Variants in ARHGAP15 observed in about 807,000 individuals in gnomAD.
ARHGAP15 encodes the protein Rho GTPase activating protein 15.
In ARHGAP15, 51 loss-of-function variants were observed where a neutral mutation model predicts 63.7. The ratio of observed to expected loss-of-function variants is 0.80; its 90% CI spans 0.64 to 1.01. ARHGAP15 has a LOEUF of 1.01. Ranked by LOEUF, ARHGAP15 falls within the 50% of genes least tolerant of loss-of-function variation. The probability of loss-of-function intolerance (pLI) is 0.00; values close to 1 mark genes in which losing one functional copy is unlikely to be tolerated. For missense variants in ARHGAP15, 560 were observed against 564.6 expected, an observed-to-expected ratio of 0.99 and a Z score of 0.08; for synonymous variants, 191 against 193.8, an observed-to-expected ratio of 0.99 and a Z score of 0.12.
intron 12 of ARHGAP15, among the ~76,000 whole-genome samples, chr2:143,645,315 T>G (rs1013193712): frequency 1.3e-5 from 2 of 152,102 alleles, no homozygotes; most frequent in African/African-American, 4.8e-5. Context: ...TAAGTGTACT[T>G]AGATTTGTAC....
chr2:143,607,396 T>A (rs1041772210), intron 11 of ARHGAP15: 2 of 152,350 alleles, frequency 1.3e-5, no homozygotes, highest in East Asian at 1.9e-4. Flanking sequence ...AGATGTCTTA[T>A]GAGTTTGCAA....
intron 12 of ARHGAP15, chr2:143,683,083 G>A (rs1190679960): frequency 2.0e-5 from 3 of 152,112 alleles, no homozygotes; most frequent in South Asian, 2.1e-4. Flanking sequence ...TTAAGCCTTC[G>A]TCGAGTCTTA....
rs563069819 is a variant in ARHGAP15, at chr2:143,377,837, C to T, written c.475-57764C>T. ...GTCTTCTCAATGTATTGCTCAAAAG[C>T]GAATTCTTTGAATGATGTTTATAAA... On this transcript the variant is annotated intron_variant, in intron 6 of 13. Coordinates refer to ENST00000295095, the MANE Select transcript of ARHGAP15 (RefSeq NM_018460.4). Among the ~76,000 whole-genome samples the T allele has an allele frequency of 6.6e-5, 10 of 152,118 alleles. No homozygotes were observed. The South Asian group carries it at 1.0e-3, about 16-fold the overall frequency.
intron 6 of ARHGAP15, among the ~76,000 whole-genome samples, chr2:143,323,079 T>C (rs1013637316): frequency 2.0e-5 from 3 of 152,240 alleles, no homozygotes; most frequent in African/African-American, 7.2e-5. Context: ...GGTTGATGTA[T>C]GTTTTTCAGT....
At chr2:143,166,061 G>GAAAA (rs1553442904) in intron 2 of ARHGAP15, among the ~76,000 whole-genome samples, 6 of 140,566 alleles carry the variant, frequency 4.3e-5, no homozygotes, top group African/African-American at 1.5e-4. Context: ...AAGAAAGAAA[G>GAAAA]AAAAAAAATA....
chr2:143,693,674 ATCTT>A (rs1683713841), intron 12 of ARHGAP15, among the ~76,000 whole-genome samples: 1 of 152,184 alleles, frequency 6.6e-6, no homozygotes, highest in Non-Finnish European at 1.5e-5. Context: ...ACCTTTTAAT[ATCTT>A]TATTTCTTCC....
intron 6 of ARHGAP15, among the ~76,000 whole-genome samples, chr2:143,353,436 C>G (rs950917131): frequency 6.6e-6 from 1 of 152,010 alleles, no homozygotes; most frequent in African/African-American, 2.4e-5. Context: ...TTATGTCTTG[C>G]TGGTTAATAT....
chr2:143,303,499 A>G (rs1683014639), intron 6 of ARHGAP15, among the ~76,000 whole-genome samples: 1 of 152,102 alleles, frequency 6.6e-6, no homozygotes, highest in Admixed American at 6.6e-5. Context: ...TGTTAGACCT[A>G]AAACCATAAA....
At chr2:143,181,946 A>ATTTTT (rs371579129) in intron 2 of ARHGAP15, among the ~76,000 whole-genome samples, 1 of 145,272 alleles carries the variant, frequency 6.9e-6, no homozygotes, top group African/African-American at 2.5e-5. Flanking sequence ...CTAGCTTTTG[A>ATTTTT]TTTTTTTTTT....
chr2:143,765,714 GT>G (rs2105560334), intron 13 of ARHGAP15, among the ~76,000 whole-genome samples: 1 of 152,220 alleles, frequency 6.6e-6, no homozygotes, highest in South Asian at 2.1e-4. Flanking sequence ...AGGTGGCAGA[GT>G]GAAAAGCCGG....
intron 6 of ARHGAP15, among the ~76,000 whole-genome samples, chr2:143,372,984 T>TAAAA (rs34460482): frequency 2.2e-5 from 3 of 136,700 alleles, no homozygotes; most frequent in African/African-American, 8.1e-5. Context: ...TCTCTCCTCT[T>TAAAA]AAAAAAAAAA....
intron 6 of ARHGAP15, among the ~76,000 whole-genome samples, chr2:143,250,954 A>C (rs1398633946): frequency 6.6e-6 from 1 of 152,084 alleles, no homozygotes; most frequent in Non-Finnish European, 1.5e-5. Context: ...AGACTCACCA[A>C]GTATAAGCTA....
chr2:143,131,775 C>T (rs955348482), intron 1 of ARHGAP15, among the ~76,000 whole-genome samples: 1 of 152,146 alleles, frequency 6.6e-6, no homozygotes, highest in African/African-American at 2.4e-5. Flanking sequence ...CAGACAGGGC[C>T]CAAAGGATTA....
intron 6 of ARHGAP15, among the ~76,000 whole-genome samples, chr2:143,285,646 A>G (rs1057282913): frequency 2.0e-5 from 3 of 152,174 alleles, no homozygotes; most frequent in African/African-American, 4.8e-5. Context: ...AAGAGGATAC[A>G]TATTTCTTTA....
intron 6 of ARHGAP15, among the ~76,000 whole-genome samples, chr2:143,299,174 T>A (rs953645222): frequency 9.8e-4 from 149 of 152,072 alleles, no homozygotes; most frequent in African/African-American, 3.5e-3. Flanking sequence ...GATTAAACTT[T>A]TTTTATTCAA....
intron 11 of ARHGAP15, among the ~76,000 whole-genome samples, chr2:143,563,682 A>C (rs1447895205): frequency 6.6e-6 from 1 of 152,234 alleles, no homozygotes; most frequent in Non-Finnish European, 1.5e-5. Flanking sequence ...AACCCCTAAG[A>C]TATTTACAAA....
intron 11 of ARHGAP15, among the ~76,000 whole-genome samples, chr2:143,611,371 G>A (rs1698248918): frequency 1.3e-5 from 2 of 152,178 alleles, no homozygotes; most frequent in Non-Finnish European, 2.9e-5. Flanking sequence ...GGGTTGGAAT[G>A]TTAGCCTTGA....
At chr2:143,369,875 A>C (rs775160083) in intron 6 of ARHGAP15, among the ~76,000 whole-genome samples, 7 of 151,942 alleles carry the variant, frequency 4.6e-5, no homozygotes, top group Non-Finnish European at 1.0e-4. Flanking sequence ...ATTTACTGAA[A>C]ATTGAATTTC....
At chr2:143,604,791 C>T (rs976349311) in intron 11 of ARHGAP15, among the ~76,000 whole-genome samples, 4 of 152,168 alleles carry the variant, frequency 2.6e-5, no homozygotes, top group South Asian at 2.1e-4. Flanking sequence ...CTCGACTCTG[C>T]GCTTTCTCCT....
Sources: gnomAD v4.1 joint callset for allele counts (sites outside exome capture counted in the v4.1 genomes callset) on GRCh38, gnomAD v4.1.1 for gene constraint, MANE v1.5 for transcripts, NCBI Gene and HGNC (gene_info 2026-07-23, HGNC 2026-07-21) for gene names.